The following ACSM4 variants were observed in gnomAD, a reference collection of about 807,000 sequenced individuals.
ACSM4 encodes the protein acyl-CoA synthetase medium chain family member 4.
ACSM4 carries 66 observed loss-of-function variants against 73.0 expected under a neutral mutation model. The ratio of observed to expected loss-of-function variants is 0.90; its 90% CI spans 0.74 to 1.11. The LOEUF is 1.11. ACSM4 is among the 50% of genes least tolerant of loss of function. The probability of loss-of-function intolerance (pLI) is 0.00; values close to 1 mark genes in which losing one functional copy is unlikely to be tolerated. For synonymous variants in ACSM4, 222 were observed against 254.0 expected (o/e 0.87, Z 1.20); for missense variants, 645 against 714.4 (o/e 0.90, Z 1.11).
intron 3 of ACSM4, 40 bp from the exon 4 acceptor site, chr12:7,317,097 T>C (rs752585862): frequency 3.0e-5 from 48 of 1,584,012 alleles, no homozygotes; most frequent in Non-Finnish European, 3.6e-5. Context: ...CAAACTGGTC[T>C]GCCATCTTCC....
At chr12:7,318,610 TC>T (rs1261295641) in intron 5 of ACSM4, 1 of 154,934 alleles carries the variant, frequency 6.5e-6, no homozygotes, top group Non-Finnish European at 1.4e-5. Flanking sequence ...CCTCTTATTC[TC>T]CCCCAGCCTA....
In ACSM4 at chr12:7,310,609, G is replaced by A. The variant is rs768563851; in HGVS notation, c.483G>A (p.Lys161=). 6 of 1,613,114 alleles carry A rather than the reference G, an allele frequency of 3.7e-6. No individual in the cohort carries two copies. Among genetic ancestry groups the A allele is most frequent in the Non-Finnish European group, 5.1e-6 (6 of 1,179,624 alleles). The change falls in exon 3 of 13, where the codon AAG becomes AAA. Residue 161 remains lysine, a synonymous_variant. Transcript: ENST00000399422. The part of the protein sequence containing the change: ...KDILYRLRAS[K]AKCIVASEEV... ...TCCTCTACCGGCTGCGAGCATCCAA[G>A]GCCAAGTGCATTGTGGCCAGTGAGG...
At position 7,310,532 on chromosome 12, in the gene ACSM4, T is replaced by C. The variant is rs1212641591; in HGVS notation, c.413-7T>C. 6.3e-7 allele frequency: 1 copy of C among 1,599,638 alleles called. No individual in the cohort carries two copies. The highest frequency in any genetic ancestry group is 8.5e-7 in the Non-Finnish European group (1 of 1,174,766). ...CTGTTCAGTGCAGGGCCCTCTGTCC[T>C]TCCCAGGGATCATCTTCATGCCGGG... On this transcript the variant is annotated splice_polypyrimidine_tract_variant and splice_region_variant and intron_variant, in intron 2 of 12. Transcript: ENST00000399422.
At chr12:7,325,745 A>G (rs1946498981) in intron 11 of ACSM4, among the ~76,000 whole-genome samples, 1 of 152,200 alleles carries the variant, frequency 6.6e-6, no homozygotes, top group South Asian at 2.1e-4. Flanking sequence ...GGCAATGACA[A>G]TAATAGCCTT....
chr12:7,316,444 A>T (rs1331332287), intron 3 of ACSM4, among the ~76,000 whole-genome samples: 1 of 152,208 alleles, frequency 6.6e-6, no homozygotes, highest in Non-Finnish European at 1.5e-5. Flanking sequence ...AATATATTCC[A>T]TTAAAGCCTT....
At chr12:7,320,395 TTACAC>T (rs1263092347) in intron 5 of ACSM4, among the ~76,000 whole-genome samples, 1 of 152,224 alleles carries the variant, frequency 6.6e-6, no homozygotes, top group African/African-American at 2.4e-5. Context: ...GGTTACAAGA[TTACAC>T]TATAAGAGGT....
intron 5 of ACSM4, 74 bp from the exon 6 acceptor site, chr12:7,320,649 CAG>C: frequency 8.2e-7 from 1 of 1,224,916 alleles, no homozygotes; most frequent in Non-Finnish European, 1.2e-6. Flanking sequence ...AAGAAAATAA[CAG>C]GGTGTAGATA....
intron 5 of ACSM4, among the ~76,000 whole-genome samples, chr12:7,319,042 A>G (rs926802380): frequency 5.3e-5 from 8 of 152,234 alleles, no homozygotes; most frequent in African/African-American, 1.9e-4. Context: ...TTATTAAATT[A>G]TAATGTATAA....
At chr12:7,325,412 C>T (rs1451121675) in intron 11 of ACSM4, among the ~76,000 whole-genome samples, 3 of 152,246 alleles carry the variant, frequency 2.0e-5, no homozygotes, top group Admixed American at 6.5e-5. Flanking sequence ...TTTGGGAGGC[C>T]GAGGTGGGTG....
At chr12:7,306,455 G>A (rs1565751305) in intron 1 of ACSM4, 78 bp from the exon 2 acceptor site, 1 of 1,390,546 alleles carries the variant, frequency 7.2e-7, no homozygotes, top group Non-Finnish European at 9.9e-7. Flanking sequence ...TGCCAAAGGG[G>A]GAAAACAGCA....
At chr12:7,323,649 A>G (rs748853730) in intron 9 of ACSM4, 89 bp downstream of exon 9, 7 of 1,177,174 alleles carry the variant, frequency 5.9e-6, no homozygotes, top group Non-Finnish European at 8.7e-6. Context: ...ATCTTGGGCA[A>G]GCAACAAAAT....
chr12:7,310,504 G>C, intron 2 of ACSM4, 35 bp from the exon 3 acceptor site: 1 of 1,565,630 alleles, frequency 6.4e-7, no homozygotes, highest in South Asian at 1.2e-5. Flanking sequence ...ATGGACAGCA[G>C]TTCTGTTCAG....
At chr12:7,322,162 T>G (rs1037041047) in intron 6 of ACSM4, among the ~76,000 whole-genome samples, 1 of 152,186 alleles carries the variant, frequency 6.6e-6, no homozygotes, top group South Asian at 2.1e-4. Context: ...CCTTTTTACA[T>G]CTTTAATAGC....
At chr12:7,320,835 C>T (rs1946457416) in intron 6 of ACSM4, 31 bp downstream of exon 6, 1 of 1,527,504 alleles carries the variant, frequency 6.5e-7, no homozygotes, top group Non-Finnish European at 9.1e-7. Flanking sequence ...ATTTGAACCA[C>T]AAACAATAGC....
chr12:7,315,826 G>A (rs1181852832), intron 3 of ACSM4, among the ~76,000 whole-genome samples: 1 of 152,100 alleles, frequency 6.6e-6, no homozygotes, highest in African/African-American at 2.4e-5. Context: ...CCTGACTGGG[G>A]CTCAAGTATC....
In ACSM4 at chr12:7,328,698, G is replaced by T; in HGVS notation, c.*325G>T. 6.1e-6 allele frequency: 1 copy of T among 164,300 alleles called. No homozygotes were observed. Among genetic ancestry groups the T allele is most frequent in the South Asian group, 1.6e-4 (1 of 6,232 alleles). The allele number at this position is 164,300 out of a possible 1,614,324, so 10.2% of individuals were successfully genotyped here. A position where few individuals can be genotyped will look rare whatever the true frequency, so the allele number is the denominator to read the frequency against. ...TATTTCATTTACCTTGTGCCTGATT[G>T]ATTCAAAATAAACATATATCCTAAG... On this transcript the variant is annotated 3_prime_UTR_variant, in exon 13 of 13. Coordinates refer to ENST00000399422, the MANE Select transcript of ACSM4 (RefSeq NM_001080454.2).
At chr12:7,311,028 T>C (rs1946387712) in intron 3 of ACSM4, among the ~76,000 whole-genome samples, 1 of 151,752 alleles carries the variant, frequency 6.6e-6, no homozygotes, top group African/African-American at 2.4e-5. Context: ...TAGCTGGGCG[T>C]GGTGATGCCT....
rs149793578 is a variant in ACSM4, at chr12:7,317,655, C to T, written c.765-371C>T. Among the ~76,000 whole-genome samples the T allele has an allele frequency of 3.4e-3, 515 of 152,266 alleles. 5 individuals carry two copies. The highest frequency in any genetic ancestry group is 0.012 in the African/African-American group (497 of 41,566). Reference sequence around the variant, plus strand: ...TGAAATAATTACATTTATTAATGTACTTAACTCACTTTATTGTATATTTAT... The same window carrying T: ...TGAAATAATTACATTTATTAATGTATTTAACTCACTTTATTGTATATTTAT... On this transcript the variant is annotated intron_variant, in intron 4 of 12. Transcript: ENST00000399422.
intron 7 of ACSM4, 33 bp downstream of exon 7, chr12:7,322,574 G>T: frequency 7.6e-6 from 12 of 1,578,098 alleles, no homozygotes; most frequent in Non-Finnish European, 1.0e-5. Context: ...TTTAGTATAT[G>T]TGGGGGCCTT....
Sources: allele counts gnomAD v4.1 joint callset (sites outside exome capture counted in the v4.1 genomes callset), GRCh38; gene constraint gnomAD v4.1.1; transcripts MANE v1.5; gene names NCBI Gene and HGNC (gene_info 2026-07-23, HGNC 2026-07-21).